The following MAPK14 variants were observed in gnomAD, a reference collection of about 807,000 sequenced individuals.
MAPK14 encodes mitogen-activated protein kinase 14, also known as CSAID-binding protein.
MAPK14 carries 16 observed loss-of-function variants against 49.6 expected under a neutral mutation model. That is an observed-to-expected ratio of 0.32 (90% CI 0.22 to 0.49). The LOEUF (loss-of-function observed/expected upper bound fraction) is 0.49. Ranked by LOEUF, MAPK14 falls within the 20% of genes least tolerant of loss-of-function variation. The probability of loss-of-function intolerance (pLI) is 0.99; values close to 1 mark genes in which losing one functional copy is unlikely to be tolerated. For missense variants in MAPK14, 200 were observed against 441.2 expected (o/e 0.45, Z 4.90); for synonymous variants, 142 against 158.0 (o/e 0.90, Z 0.76).
intron 2 of MAPK14, 83 bp downstream of exon 2, chr6:36,052,911 C>A: frequency 8.1e-7 from 1 of 1,237,856 alleles, no homozygotes; most frequent in Non-Finnish European, 1.1e-6. Context: ...GATGGAAATA[C>A]GCTGGAGTGC....
rs181956643 is a variant in MAPK14, at chr6:36,067,730, A to C, written c.306-5143A>C. Among the ~76,000 whole-genome samples the C allele has an allele frequency of 7.5e-4, 114 of 152,324 alleles. 1 individual carries two copies. The highest frequency in any genetic ancestry group is 2.5e-3 in the African/African-American group (106 of 41,580). ...TGAATGATTCTTTTACCCCTAAATTAGAACAGTCTGGTCTGCTTACCAGTA... is the reference window on the plus strand; with the variant it reads ...TGAATGATTCTTTTACCCCTAAATTCGAACAGTCTGGTCTGCTTACCAGTA... On this transcript the variant is annotated intron_variant, in intron 3 of 11. Transcript: ENST00000229794.
chr6:36,118,521 C>CA, the MAPK14 span, among the ~76,000 whole-genome samples: 3 of 152,062 alleles, frequency 2.0e-5, no homozygotes, highest in Non-Finnish European at 2.9e-5. Context: ...ACTCAACTGA[C>CA]AGACAACAGG....
intron 1 of MAPK14, among the ~76,000 whole-genome samples, chr6:36,046,381 A>G (rs111858756): frequency 0.017 from 2,651 of 152,318 alleles, 77 homozygotes; most frequent in African/African-American, 0.06. Flanking sequence ...GATGTTGTTC[A>G]TGAAAACAAG....
chr6:36,112,864 T>C (rs1484111703), downstream of MAPK14, among the ~76,000 whole-genome samples: 1 of 152,260 alleles, frequency 6.6e-6, no homozygotes, highest in Non-Finnish European at 1.5e-5. Flanking sequence ...ATTTGTCATA[T>C]GCTTACAGTA....
intron 6 of MAPK14, among the ~76,000 whole-genome samples, chr6:36,074,300 A>G (rs1042331330): frequency 1.3e-5 from 2 of 152,186 alleles, no homozygotes; most frequent in Non-Finnish European, 2.9e-5. Context: ...TTATTTTAAC[A>G]TAAAGTTAAA....
At position 36,073,000 on chromosome 6, in the gene MAPK14, G is replaced by C. The variant is rs1459264754; in HGVS notation, c.417+16G>C. On this transcript the variant is annotated intron_variant, in intron 4 of 11. Transcript: ENST00000229794. ...AGGTCTAAAGGTACAGATAATACAA[G>C]TAATAATTTTTTAAAATGAATTCTC... is the stretch of plus-strand genomic sequence containing the variant. 6.7e-7 allele frequency: 1 copy of C among 1,483,344 alleles called. No individual in the cohort carries two copies. The highest frequency in any genetic ancestry group is 1.7e-5 in the Admixed American group (1 of 59,500). The allele number at this position is 1,483,344 out of a possible 1,614,324, so 91.9% of individuals were successfully genotyped here. A position where few individuals can be genotyped will look rare whatever the true frequency, so the allele number is the denominator to read the frequency against.
At chr6:36,036,170 AGG>A in intron 1 of MAPK14, among the ~76,000 whole-genome samples, 1 of 148,138 alleles carries the variant, frequency 6.8e-6, no homozygotes, top group Non-Finnish European at 1.5e-5. Context: ...TGGGAAGTGG[AGG>A]TTGCAGTGAG....
chr6:36,115,520 C>T (rs1411266604), downstream of MAPK14, among the ~76,000 whole-genome samples: 3 of 152,130 alleles, frequency 2.0e-5, no homozygotes, highest in South Asian at 2.1e-4. Context: ...CATGGTGGCT[C>T]GCACCTGTAA....
At chr6:36,034,489 T>C (rs1370853831) in intron 1 of MAPK14, among the ~76,000 whole-genome samples, 1 of 152,194 alleles carries the variant, frequency 6.6e-6, no homozygotes, top group Non-Finnish European at 1.5e-5. Context: ...GGGGTAAAAC[T>C]GATTTGTTCT....
chr6:36,089,572 A>T (rs1450380855), intron 8 of MAPK14, among the ~76,000 whole-genome samples: 2 of 152,160 alleles, frequency 1.3e-5, no homozygotes, highest in Non-Finnish European at 2.9e-5. Context: ...AGAAATACTC[A>T]TTTTTGTCTT....
the MAPK14 span, among the ~76,000 whole-genome samples, chr6:36,116,891 G>A: frequency 6.6e-6 from 1 of 152,036 alleles, no homozygotes; most frequent in South Asian, 2.1e-4. Flanking sequence ...CTCTTTCTCA[G>A]TCACGTTACA....
chr6:36,062,657 CTTTTCTTTTT>C (rs1265109675), intron 3 of MAPK14, among the ~76,000 whole-genome samples: 3 of 118,530 alleles, frequency 2.5e-5, no homozygotes, highest in Non-Finnish European at 5.9e-5. Context: ...TTTTCTTTTT[CTTTTCTTTTT>C]TTTTTTTTGA....
chr6:36,071,204 G>A (rs971304867), intron 3 of MAPK14, among the ~76,000 whole-genome samples: 1 of 151,872 alleles, frequency 6.6e-6, no homozygotes, highest in Non-Finnish European at 1.5e-5. Flanking sequence ...ATGGTGGCGA[G>A]TACCTGTAAT....
the MAPK14 span, among the ~76,000 whole-genome samples, chr6:36,124,172 C>CTTCCTTCCTTCCTTCCTTCCTTCCTTCT: frequency 1.5e-5 from 2 of 135,176 alleles, no homozygotes; most frequent in East Asian, 5.1e-4. Flanking sequence ...TCCTTCCTTC[C>CTTCCTTCCTTCCTTCCTTCCTTCCTTCT]TTCCTGCCTT....
chr6:36,094,360 A>T (rs1765365604), intron 8 of MAPK14, among the ~76,000 whole-genome samples: 1 of 152,230 alleles, frequency 6.6e-6, no homozygotes, highest in African/African-American at 2.4e-5. Flanking sequence ...CCATATGGTA[A>T]CTGTGCTTGT....
rs1765923951 is a variant in MAPK14 at position 36,110,199 on chromosome 6, AT to A, written c.*1755del. 1.3e-5 allele frequency: 2 copies of A among 152,180 alleles called. No homozygotes were observed. The highest frequency in any genetic ancestry group is 2.4e-5 in the African/African-American group (1 of 41,426). 9.4% of individuals were successfully genotyped at this position (152,180 alleles called of 1,614,324 possible). ...TGTTGGCTGTGTGACAGAATCTTGT[AT>A]TTGGGCCAAGGTGTTTCCATTTCTC... is the stretch of plus-strand genomic sequence containing the variant. On this transcript the variant is annotated 3_prime_UTR_variant, in exon 12 of 12. Transcript: ENST00000229794.
chr6:36,073,644 T>C, intron 4 of MAPK14, 47 bp from the exon 5 acceptor site: 1 of 1,475,558 alleles, frequency 6.8e-7, no homozygotes, highest in Non-Finnish European at 9.4e-7. Flanking sequence ...TTATATAATA[T>C]GACAATAGAA....
intron 8 of MAPK14, chr6:36,092,355 G>T: frequency 1.5e-6 from 1 of 646,096 alleles, no homozygotes; most frequent in South Asian, 1.4e-5. Flanking sequence ...CATCTTCTAT[G>T]AGTTCCCTGC....
At chr6:36,051,235 C>T (rs1326450277) in intron 1 of MAPK14, among the ~76,000 whole-genome samples, 1 of 151,906 alleles carries the variant, frequency 6.6e-6, no homozygotes, top group African/African-American at 2.4e-5. Context: ...CCTGCCTCAG[C>T]CTCCTGAGTA....
Sources: allele counts gnomAD v4.1 joint callset (sites outside exome capture counted in the v4.1 genomes callset), GRCh38; gene constraint gnomAD v4.1.1; transcripts MANE v1.5; gene names NCBI Gene and HGNC (gene_info 2026-07-23, HGNC 2026-07-21).